Variants in CFAP47 observed in about 807,000 individuals in gnomAD.
CFAP47 encodes the protein cilia and flagella associated protein 47, also known as cilia- and flagella-associated protein 47.
Under a neutral mutation model 148.1 loss-of-function variants are expected in CFAP47, and 29 were observed. The observed-to-expected ratio is 0.20, with a 90% CI of 0.15 to 0.27. CFAP47 has a LOEUF of 0.27. Among genes scored for constraint, CFAP47 ranks in the 10% least tolerant of loss-of-function variants. The pLI is 1.00. For synonymous variants in CFAP47, 664 were observed against 577.3 expected, an observed-to-expected ratio of 1.15 and a Z score of -2.15; for missense variants, 1,872 against 1,697.5, an observed-to-expected ratio of 1.10 and a Z score of -1.81.
At chrX:36,014,026 GT>G (rs1310115533) in intron 21 of CFAP47, among the ~76,000 whole-genome samples, 1 of 111,810 alleles carries the variant, frequency 8.9e-6, no homozygotes, top group Non-Finnish European at 1.9e-5. Flanking sequence ...GAAGAAACTT[GT>G]TTTTCAAAGT....
At chrX:36,169,654 AT>A (rs1282258148) in intron 39 of CFAP47, among the ~76,000 whole-genome samples, 3 of 111,139 alleles carry the variant, frequency 2.7e-5, no homozygotes, top group Non-Finnish European at 5.7e-5. Flanking sequence ...GATGTTGTCT[AT>A]TTGGTGACAC....
At position 35,962,926 on chromosome X, in the gene CFAP47, G is replaced by GGTGTGTGTGT. The variant is rs59734260; in HGVS notation, c.1411-3602_1411-3593dup. 2.9e-4 allele frequency among the ~76,000 whole-genome samples: 26 copies of GGTGTGTGTGT among 90,780 alleles called. No individual in the cohort carries two copies. In the East Asian group the frequency reaches 4.9e-3, roughly 17 times the overall value. 78.8% of individuals were successfully genotyped at this position (90,780 alleles called of 115,157 possible). ...CATTCCCCTTGGATAAATAAAATGT[G>GGTGTGTGTGT]GTGTGTGTGTGTGTGTGTGTGTGTG... On this transcript the variant is annotated intron_variant, in intron 8 of 63. Coordinates refer to ENST00000378653, the MANE Select transcript of CFAP47 (RefSeq NM_001304548.2).
intron 24 of CFAP47, among the ~76,000 whole-genome samples, chrX:36,038,708 A>G (rs1937367004): frequency 8.9e-6 from 1 of 112,241 alleles, no homozygotes; most frequent in Non-Finnish European, 1.9e-5. Context: ...CTGCTTTCCC[A>G]GGGCATATTT....
chrX:36,075,317 TC>T (rs1164626550), intron 29 of CFAP47, among the ~76,000 whole-genome samples: 10 of 110,070 alleles, frequency 9.1e-5, no homozygotes, highest in African/African-American at 3.3e-4. Flanking sequence ...AACCTCCGCT[TC>T]CCGGGCTCAA....
At chrX:36,027,006 C>T (rs1201145527) in intron 22 of CFAP47, among the ~76,000 whole-genome samples, 1 of 106,986 alleles carries the variant, frequency 9.3e-6, no homozygotes, top group Non-Finnish European at 1.9e-5. Flanking sequence ...AGTGTTTCCT[C>T]TTTGAAGCTT....
chrX:35,997,036 T>C (rs1033967838), intron 18 of CFAP47, among the ~76,000 whole-genome samples: 1 of 111,531 alleles, frequency 9.0e-6, no homozygotes, highest in African/African-American at 3.2e-5. Context: ...GGAGTGGCAA[T>C]AAAGTTTAGT....
chrX:36,232,126 A>G (rs1168922857), intron 46 of CFAP47, among the ~76,000 whole-genome samples: 18 of 111,666 alleles, frequency 1.6e-4, no homozygotes, highest in African/African-American at 3.9e-4. Context: ...TGCCGGCATC[A>G]TAAAATGAGT....
chrX:36,335,051 T>C (rs1941593464), intron 57 of CFAP47, among the ~76,000 whole-genome samples: 1 of 111,065 alleles, frequency 9.0e-6, no homozygotes, highest in Admixed American at 9.7e-5. Context: ...CCACAAACAT[T>C]TTAAAATTTG....
chrX:36,056,390 A>G (rs1461000415), intron 26 of CFAP47, among the ~76,000 whole-genome samples: 1 of 112,004 alleles, frequency 8.9e-6, no homozygotes, highest in Non-Finnish European at 1.9e-5. Context: ...TGCCTGAAGA[A>G]GCTGTGCTTT....
intron 33 of CFAP47, among the ~76,000 whole-genome samples, chrX:36,113,421 C>G (rs1280220254): frequency 9.0e-6 from 1 of 111,709 alleles, no homozygotes; most frequent in African/African-American, 3.3e-5. Flanking sequence ...GGCCCCCCAT[C>G]TTTTCTGGTT....
intron 45 of CFAP47, among the ~76,000 whole-genome samples, chrX:36,224,276 A>T (rs185409718): frequency 2.7e-4 from 30 of 109,117 alleles, no homozygotes; most frequent in Admixed American, 2.2e-3. Context: ...AGTTGAGTTT[A>T]AAAAAAAACC....
chrX:36,319,288 T>C lies in CFAP47; in HGVS notation c.8424T>C (p.Ser2808=). ...ATGAGAGTTCTGCCTTCAGATTTAG[T>C]TCTCCGAGTGAAATACAAGGTACAG... is the stretch of plus-strand genomic sequence containing the variant. ...FIYESSAFRF[S]SPSEIQGIAL... The change falls in exon 57 of 64, where the codon AGT becomes AGC. Residue 2808 remains serine (S), a synonymous_variant. Coordinates refer to ENST00000378653, the MANE Select transcript of CFAP47 (RefSeq NM_001304548.2). 9.3e-7 allele frequency: 1 copy of C among 1,076,547 alleles called. No individual in the cohort carries two copies. Among genetic ancestry groups the C allele is most frequent in the Non-Finnish European group, 1.2e-6 (1 of 801,902 alleles). 88.7% of individuals were successfully genotyped at this position (1,076,547 alleles called of 1,213,427 possible). A position where few individuals can be genotyped will look rare whatever the true frequency, so the allele number is the denominator to read the frequency against.
chrX:35,988,343 C>T (rs1354744541), intron 15 of CFAP47, among the ~76,000 whole-genome samples: 9 of 111,880 alleles, frequency 8.0e-5, no homozygotes, highest in Non-Finnish European at 1.7e-4. Flanking sequence ...GATGGCACTT[C>T]CATAACCAGT....
chrX:35,925,142 A>G lies in CFAP47; in HGVS notation c.250-875A>G, dbSNP rs376696930. Among the ~76,000 whole-genome samples the G allele has an allele frequency of 2.4e-3, 264 of 111,332 alleles. 1 individual carries two copies. The highest frequency in any genetic ancestry group is 8.3e-3 in the African/African-American group (255 of 30,606). ...AATCCCAGCACTTTGGGAGGCCGAG[A>G]CAGGTGGATCATGAGGTCAGGAGAT... On this transcript the variant is annotated intron_variant, in intron 1 of 63. Coordinates refer to ENST00000378653, the MANE Select transcript of CFAP47 (RefSeq NM_001304548.2).
intron 8 of CFAP47, among the ~76,000 whole-genome samples, chrX:35,960,358 T>G (rs1000732412): frequency 4.0e-5 from 3 of 75,219 alleles, no homozygotes; most frequent in African/African-American, 1.0e-4. Context: ...ATATGAACTT[T>G]AACATTAGCT....
intron 37 of CFAP47, among the ~76,000 whole-genome samples, chrX:36,153,162 A>G (rs1456559806): frequency 8.9e-6 from 1 of 111,963 alleles, no homozygotes; most frequent in South Asian, 3.7e-4. Context: ...GTGAAATCAA[A>G]TAAGTTATAT....
At chrX:35,957,622 C>T (rs1936265875) in intron 8 of CFAP47, among the ~76,000 whole-genome samples, 1 of 112,023 alleles carries the variant, frequency 8.9e-6, no homozygotes, top group African/African-American at 3.2e-5. Flanking sequence ...TTCCTGTAGT[C>T]CAAGTCTCTT....
At chrX:36,148,030 C>A (rs1318290895) in intron 36 of CFAP47, among the ~76,000 whole-genome samples, 1 of 111,437 alleles carries the variant, frequency 9.0e-6, no homozygotes, top group Non-Finnish European at 1.9e-5. Context: ...TTATTCAGGA[C>A]TATTATGATA....
chrX:35,949,177 C>T (rs939788313), intron 4 of CFAP47, among the ~76,000 whole-genome samples: 25 of 75,803 alleles, frequency 3.3e-4, no homozygotes, highest in African/African-American at 1.5e-3. Flanking sequence ...GTGTGTGTTC[C>T]GGCACTGGAA....
Sources: gnomAD v4.1 joint callset for allele counts (sites outside exome capture counted in the v4.1 genomes callset) on GRCh38, gnomAD v4.1.1 for gene constraint, MANE v1.5 for transcripts, NCBI Gene and HGNC (gene_info 2026-07-23, HGNC 2026-07-21) for gene names.